KCTD16: variants seen among roughly 807,000 people sequenced by gnomAD.
KCTD16 encodes the protein BTB/POZ domain-containing protein KCTD16.
A neutral mutation model predicts 33.2 loss-of-function variants in KCTD16; 13 were observed. The ratio of observed to expected loss-of-function variants is 0.39; its 90% CI spans 0.25 to 0.62. The LOEUF is 0.62. Ranked by LOEUF, KCTD16 falls within the 20% of genes least tolerant of loss-of-function variation. KCTD16 has a pLI of 0.50. For missense variants in KCTD16, 441 were observed against 525.1 expected, an observed-to-expected ratio of 0.84 and a Z score of 1.57; for synonymous variants, 197 against 195.3, an observed-to-expected ratio of 1.01 and a Z score of -0.07.
chr5:144,306,022 T>C (rs1200254488), intron 3 of KCTD16, among the ~76,000 whole-genome samples: 1 of 152,100 alleles, frequency 6.6e-6, no homozygotes, highest in East Asian at 1.9e-4. Flanking sequence ...AAACAGATGG[T>C]CAGTGTAGCT....
At chr5:144,289,440 C>T (rs897202373) in intron 3 of KCTD16, among the ~76,000 whole-genome samples, 3 of 152,202 alleles carry the variant, frequency 2.0e-5, no homozygotes, top group Non-Finnish European at 4.4e-5. Flanking sequence ...ACTCATCTTG[C>T]ATTACCTTTC....
chr5:144,377,681 C>G (rs1012187815), intron 3 of KCTD16: 1 of 152,122 alleles, frequency 6.6e-6, no homozygotes, highest in African/African-American at 2.4e-5. Context: ...AATCCATCAG[C>G]CAAGAATGAC....
chr5:144,358,758 T>A (rs1005693456), intron 3 of KCTD16, among the ~76,000 whole-genome samples: 5 of 152,148 alleles, frequency 3.3e-5, no homozygotes, highest in African/African-American at 1.2e-4. Context: ...TACTGACTGG[T>A]TCATAGAAGG....
chr5:144,261,999 C>T (rs1177689998), intron 3 of KCTD16, among the ~76,000 whole-genome samples: 2 of 152,184 alleles, frequency 1.3e-5, no homozygotes, highest in South Asian at 2.1e-4. Context: ...TTTGTTGCCA[C>T]TCACTGTGCT....
intron 3 of KCTD16, among the ~76,000 whole-genome samples, chr5:144,285,258 C>A (rs922094702): frequency 6.6e-6 from 1 of 152,198 alleles, no homozygotes; most frequent in Non-Finnish European, 1.5e-5. Flanking sequence ...TTTTCAACAT[C>A]TTTGCCATAA....
At chr5:144,237,135 G>C (rs1244990971) in intron 3 of KCTD16, among the ~76,000 whole-genome samples, 3 of 152,018 alleles carry the variant, frequency 2.0e-5, no homozygotes, top group African/African-American at 7.2e-5. Context: ...TCCCTACCCA[G>C]AATGTTTCTC....
At chr5:144,227,126 C>T (rs1753957991) in intron 3 of KCTD16, among the ~76,000 whole-genome samples, 1 of 152,036 alleles carries the variant, frequency 6.6e-6, no homozygotes, top group African/African-American at 2.4e-5. Flanking sequence ...TAATAAACAG[C>T]ATAAATAAAC....
Position 144,400,699 on chromosome 5 carries a change from G to C in KCTD16, c.833-72961G>C, listed in dbSNP as rs934575277. The stretch of plus-strand genomic sequence containing the variant: ...ACATAGATCTTACAGTCTGATAGGA[G>C]GCAAGCAATACCTAAATAAATATCA... On this transcript the variant is annotated intron_variant, in intron 3 of 3. Coordinates refer to ENST00000512467, the MANE Select transcript of KCTD16 (RefSeq NM_020768.4). 7.4e-4 allele frequency among the ~76,000 whole-genome samples: 113 copies of C among 152,070 alleles called. 1 individual carries two copies. The highest frequency in any genetic ancestry group is 2.5e-3 in the African/African-American group (105 of 41,376).
intron 3 of KCTD16, among the ~76,000 whole-genome samples, chr5:144,427,270 A>G (rs143306280): frequency 1.7e-4 from 26 of 152,116 alleles, no homozygotes; most frequent in African/African-American, 6.0e-4. Flanking sequence ...GGGGGTGAGT[A>G]TCTTGATCTT....
intron 3 of KCTD16, among the ~76,000 whole-genome samples, chr5:144,315,026 C>A (rs1391277834): frequency 6.6e-6 from 1 of 152,162 alleles, no homozygotes; most frequent in Non-Finnish European, 1.5e-5. Context: ...AGACAGGATC[C>A]AACCGTTGTC....
intron 3 of KCTD16, among the ~76,000 whole-genome samples, chr5:144,414,130 T>C (rs1282658850): frequency 1.3e-5 from 2 of 152,160 alleles, no homozygotes; most frequent in African/African-American, 4.8e-5. Flanking sequence ...TAAGTAAATA[T>C]TCAGAAAAAC....
intron 3 of KCTD16, among the ~76,000 whole-genome samples, chr5:144,244,764 G>A (rs932184512): frequency 6.6e-6 from 1 of 152,080 alleles, no homozygotes; most frequent in African/African-American, 2.4e-5. Flanking sequence ...GCCTTTTGTG[G>A]TCAGAATTCT....
chr5:144,265,963 A>G (rs1176129479), intron 3 of KCTD16, among the ~76,000 whole-genome samples: 2 of 152,190 alleles, frequency 1.3e-5, no homozygotes, highest in Non-Finnish European at 2.9e-5. Flanking sequence ...ATGTATGAAA[A>G]TGGAAAACTC....
chr5:144,368,387 T>A (rs1261310359), intron 3 of KCTD16, among the ~76,000 whole-genome samples: 1 of 152,016 alleles, frequency 6.6e-6, no homozygotes, highest in East Asian at 1.9e-4. Context: ...TGAGAAGGAC[T>A]CAGCGCAACA....
chr5:144,250,087 G>A (rs1436750692), intron 3 of KCTD16, among the ~76,000 whole-genome samples: 3 of 152,186 alleles, frequency 2.0e-5, no homozygotes, highest in East Asian at 1.9e-4. Flanking sequence ...GCTGCTGGCA[G>A]TGTAACAGGA....
intron 3 of KCTD16, among the ~76,000 whole-genome samples, chr5:144,351,931 A>G (rs1751446899): frequency 1.3e-5 from 2 of 152,308 alleles, no homozygotes; most frequent in Non-Finnish European, 2.9e-5. Context: ...TTTCAGTGAG[A>G]TAGTAGAAAT....
At chr5:144,296,771 G>T (rs767327284) in intron 3 of KCTD16, among the ~76,000 whole-genome samples, 1 of 151,816 alleles carries the variant, frequency 6.6e-6, no homozygotes, top group Non-Finnish European at 1.5e-5. Context: ...AAAAAAATAG[G>T]CTAAAAAGTA....
chr5:144,350,998 T>G (rs1008427137), intron 3 of KCTD16, among the ~76,000 whole-genome samples: 4 of 152,206 alleles, frequency 2.6e-5, no homozygotes, highest in African/African-American at 4.8e-5. Context: ...AAATTGCATT[T>G]TAACTCAAAA....
Position 144,479,137 on chromosome 5 carries a change from A to G in KCTD16, c.*5023A>G, listed in dbSNP as rs1219070447. The G allele has an allele frequency of 6.6e-6, 1 of 151,952 alleles. No individual in the cohort carries two copies. Among genetic ancestry groups the G allele is most frequent in the East Asian group, 1.9e-4 (1 of 5,164 alleles). 9.4% of individuals were successfully genotyped at this position (151,952 alleles called of 1,614,324 possible). A position where few individuals can be genotyped will look rare whatever the true frequency, so the allele number is the denominator to read the frequency against. ...AAAGTGATCCATAATTTAATGGTGT[A>G]TATGGCCCCAAAGGTGATTCCATTA... is the stretch of plus-strand genomic sequence containing the variant. On this transcript the variant is annotated 3_prime_UTR_variant, in exon 4 of 4. Transcript: ENST00000512467.
Sources: gnomAD v4.1 joint callset for allele counts (sites outside exome capture counted in the v4.1 genomes callset) on GRCh38, gnomAD v4.1.1 for gene constraint, MANE v1.5 for transcripts, NCBI Gene and HGNC (gene_info 2026-07-23, HGNC 2026-07-21) for gene names.